Variants in PCBP3 observed in about 807,000 individuals in gnomAD.
The protein encoded by PCBP3 is poly(rC)-binding protein 3.
A neutral mutation model predicts 52.7 loss-of-function variants in PCBP3; 25 were observed. That is an observed-to-expected ratio of 0.47 (90% CI 0.35 to 0.66). The LOEUF is 0.66. Ranked by LOEUF, PCBP3 falls within the 30% of genes least tolerant of loss-of-function variation. PCBP3 has a pLI of 0.01. For synonymous variants in PCBP3, 162 were observed against 183.0 expected (o/e 0.89, Z 0.93); for missense variants, 391 against 490.3 (o/e 0.80, Z 1.91).
At chr21:45,938,629 G>A (rs2077129727) in intron 16 of PCBP3, among the ~76,000 whole-genome samples, 1 of 152,164 alleles carries the variant, frequency 6.6e-6, no homozygotes, top group African/African-American at 2.4e-5. Flanking sequence ...TGGGAGATGT[G>A]GGTGGGGTCT....
intron 3 of PCBP3, among the ~76,000 whole-genome samples, chr21:45,742,574 G>A (rs1271274221): frequency 1.3e-5 from 2 of 152,070 alleles, no homozygotes; most frequent in East Asian, 1.9e-4. Context: ...TTGTGATGTC[G>A]TCTCTTATTG....
intron 2 of PCBP3, among the ~76,000 whole-genome samples, chr21:45,731,557 G>A (rs2145768635): frequency 6.6e-6 from 1 of 152,288 alleles, no homozygotes; most frequent in African/African-American, 2.4e-5. Flanking sequence ...CACCAGCACT[G>A]GGCTTCTTCC....
In PCBP3 at chr21:45,704,978, G is replaced by A. The variant is rs778861413; in HGVS notation, c.-199-30414G>A. 1.3e-5 allele frequency among the ~76,000 whole-genome samples: 2 copies of A among 152,202 alleles called. No individual in the cohort carries two copies. The highest frequency in any genetic ancestry group is 1.9e-4 in the East Asian group (1 of 5,184). On this transcript the variant is annotated intron_variant, in intron 2 of 17. Transcript: ENST00000681687. This position sits in a 1 kb window ranked among gnomAD's most constrained non-coding sequence, Gnocchi z 4.1. ...GCCTCCACAGAGCCCATCTTGGGGA[G>A]GTGTGCCTCTTTTTTCTGGCTTCGG... is the stretch of plus-strand genomic sequence containing the variant.
chr21:45,816,557 C>A (rs1310049238), intron 4 of PCBP3, among the ~76,000 whole-genome samples: 1 of 136,260 alleles, frequency 7.3e-6, no homozygotes, highest in African/African-American at 2.8e-5. Flanking sequence ...GAGACACACA[C>A]ACACACTTTA....
At chr21:45,690,978 C>T (rs559047066) in intron 2 of PCBP3, among the ~76,000 whole-genome samples, 20 of 152,218 alleles carry the variant, frequency 1.3e-4, no homozygotes, top group Admixed American at 5.9e-4. Context: ...AATACCGTAG[C>T]ACTTACCGTA....
Position 45,919,842 on chromosome 21 carries a change from C to T in PCBP3, c.717+2213C>T, listed in dbSNP as rs141220814. On this transcript the variant is annotated intron_variant, in intron 13 of 17. Coordinates refer to ENST00000681687, the MANE Select transcript of PCBP3 (RefSeq NM_001384156.1). Reference sequence around the variant, plus strand: ...GTGTGTGTGTGTGTGTGTGTGCGCGCGCGCGTGCGCGTCCCCGTGCATGTG... The same window carrying T: ...GTGTGTGTGTGTGTGTGTGTGCGCGTGCGCGTGCGCGTCCCCGTGCATGTG... Among the ~76,000 whole-genome samples, 12 of 143,034 alleles carry T rather than the reference C, an allele frequency of 8.4e-5. No individual in the cohort carries two copies. The East Asian group carries it at 1.1e-3, about 13-fold the overall frequency. The allele number at this position is 143,034 out of a possible 152,430, so 93.8% of individuals were successfully genotyped here.
At chr21:45,659,422 A>G (rs561847373) in intron 1 of PCBP3, among the ~76,000 whole-genome samples, 7 of 142,210 alleles carry the variant, frequency 4.9e-5, no homozygotes, top group African/African-American at 1.8e-4. Context: ...AACTCACTGC[A>G]GCCTCAACTT....
intron 4 of PCBP3, among the ~76,000 whole-genome samples, chr21:45,783,247 G>A (rs1287052989): frequency 6.6e-6 from 1 of 152,126 alleles, no homozygotes; most frequent in East Asian, 1.9e-4. Flanking sequence ...TGTGCGATTG[G>A]CCATTTGGAG....
chr21:45,683,880 C>A lies in PCBP3; in HGVS notation c.-200+14928C>A, dbSNP rs924127609. ...GGCAGAGCTTGCAGTGAGCCGAGAT[C>A]GTGCCACTGCACTCCAGCCTGGGCG... is the stretch of plus-strand genomic sequence containing the variant. On this transcript the variant is annotated intron_variant, in intron 2 of 17. Transcript: ENST00000681687. Among the ~76,000 whole-genome samples the A allele has an allele frequency of 8.6e-5, 13 of 151,422 alleles. 1 individual carries two copies. Among genetic ancestry groups the A allele is most frequent in the African/African-American group, 2.7e-4 (11 of 41,246 alleles).
intron 2 of PCBP3, among the ~76,000 whole-genome samples, chr21:45,713,059 A>G (rs1329647205): frequency 6.6e-6 from 1 of 152,146 alleles, no homozygotes; most frequent in Admixed American, 6.5e-5. Context: ...TTTACACTGA[A>G]CTATTAATGC....
At chr21:45,700,406 A>C (rs1479648572) in intron 2 of PCBP3, among the ~76,000 whole-genome samples, 1 of 152,190 alleles carries the variant, frequency 6.6e-6, no homozygotes, top group Non-Finnish European at 1.5e-5. Context: ...TGGATTCCCA[A>C]TAGAAGAGAT....
In PCBP3 at chr21:45,837,731, G is replaced by A. The variant is rs1324745168; in HGVS notation, c.-125-12230G>A. ...GTGAGGCGAGCGAGCTTCCTAGGTG[G>A]CACTGCACGTTGCACCGCATGGCAT... On this transcript the variant is annotated intron_variant, in intron 4 of 17. Transcript: ENST00000681687. The surrounding 1 kb of genome is among the most constrained non-coding windows in gnomAD (Gnocchi z 4.1). 2.0e-5 allele frequency among the ~76,000 whole-genome samples: 3 copies of A among 152,202 alleles called. No individual in the cohort carries two copies. Among genetic ancestry groups the A allele is most frequent in the African/African-American group, 7.2e-5 (3 of 41,444 alleles).
At position 45,941,842 on chromosome 21, in the gene PCBP3, T is replaced by C; in HGVS notation, c.*136T>C. On this transcript the variant is annotated 3_prime_UTR_variant, in exon 18 of 18. Coordinates refer to ENST00000681687, the MANE Select transcript of PCBP3 (RefSeq NM_001384156.1). The stretch of plus-strand genomic sequence containing the variant: ...TTTTCTTAATTAACAAAAGGACGTA[T>C]GCCATGGAGAAACACACCCGCGCAC... The C allele has an allele frequency of 6.3e-6, 4 of 638,116 alleles. No individual in the cohort carries two copies. The highest frequency in any genetic ancestry group is 1.0e-5 in the Non-Finnish European group (4 of 390,656). The allele number at this position is 638,116 out of a possible 1,614,324, so 39.5% of individuals were successfully genotyped here.
intron 2 of PCBP3, among the ~76,000 whole-genome samples, chr21:45,701,290 G>T (rs2083108080): frequency 6.6e-6 from 1 of 152,154 alleles, no homozygotes; most frequent in African/African-American, 2.4e-5. Flanking sequence ...TCTGGTGACA[G>T]CTTACTTCAG....
rs569696290 is a variant in PCBP3, at chr21:45,735,915, G to T, written c.-162+486G>T. Among the ~76,000 whole-genome samples, 1 of 152,354 alleles carries T rather than the reference G, an allele frequency of 6.6e-6. No homozygotes were observed. Among genetic ancestry groups the T allele is most frequent in the South Asian group, 2.1e-4 (1 of 4,828 alleles). ...AGTGCATGGGTGACATCTGTGGAAA[G>T]GACCTGGCACCGGCCAGCACACAGA... is the stretch of plus-strand genomic sequence containing the variant. On this transcript the variant is annotated intron_variant, in intron 3 of 17. Coordinates refer to ENST00000681687, the MANE Select transcript of PCBP3 (RefSeq NM_001384156.1). This position sits in a 1 kb window ranked among gnomAD's most constrained non-coding sequence, Gnocchi z 4.0.
chr21:45,887,496 G>A (rs1391161004), intron 5 of PCBP3, among the ~76,000 whole-genome samples: 2 of 152,166 alleles, frequency 1.3e-5, no homozygotes, highest in African/African-American at 4.8e-5. Flanking sequence ...TCAGTTGGAG[G>A]GACAAGTAAA....
chr21:45,890,571 A>C (rs919459453), intron 5 of PCBP3, among the ~76,000 whole-genome samples: 3 of 150,820 alleles, frequency 2.0e-5, no homozygotes, highest in Non-Finnish European at 4.4e-5. Flanking sequence ...GAATGTAGAT[A>C]ATAGAACCTG....
At chr21:45,686,152 A>G (rs1356029172) in intron 2 of PCBP3, among the ~76,000 whole-genome samples, 1 of 152,092 alleles carries the variant, frequency 6.6e-6, no homozygotes, top group Non-Finnish European at 1.5e-5. Flanking sequence ...TCCAGACCTC[A>G]AGTGATTCGC....
intron 2 of PCBP3, among the ~76,000 whole-genome samples, chr21:45,723,927 T>A (rs2084843465): frequency 6.6e-6 from 1 of 152,210 alleles, no homozygotes; most frequent in Admixed American, 6.5e-5. Flanking sequence ...TGATTACTGG[T>A]GGATTCTGTG....
Sources: gnomAD v4.1 joint callset for allele counts (sites outside exome capture counted in the v4.1 genomes callset) on GRCh38, gnomAD v4.1.1 for gene constraint, Gnocchi (gnomAD v3.1) non-coding constraint, MANE v1.5 for transcripts, NCBI Gene and HGNC (gene_info 2026-07-23, HGNC 2026-07-21) for gene names.